ZDHHC11B: variants seen among roughly 807,000 people sequenced by gnomAD.
ZDHHC11B encodes zDHHC palmitoyltransferase 11B (putative).
Under a neutral mutation model 42.3 loss-of-function variants are expected in ZDHHC11B, and 17 were observed. That is an observed-to-expected ratio of 0.40 (90% confidence interval 0.27 to 0.60). The LOEUF is 0.60. Ranked by LOEUF, ZDHHC11B falls within the 20% of genes least tolerant of loss-of-function variation. The probability of loss-of-function intolerance (pLI) is 0.41; values close to 1 mark genes in which losing one functional copy is unlikely to be tolerated. For synonymous variants in ZDHHC11B, 123 were observed against 193.5 expected (o/e 0.64, Z 3.02); for missense variants, 262 against 463.2 (o/e 0.57, Z 3.99).
intron 4 of ZDHHC11B, among the ~76,000 whole-genome samples, chr5:760,240 C>G (rs1376515397): frequency 6.6e-6 from 1 of 151,882 alleles, no homozygotes; most frequent in Non-Finnish European, 1.5e-5. Context: ...GGTCCAAGCC[C>G]TAACCCGCAG....
intron 3 of ZDHHC11B, 101 bp downstream of exon 3, chr5:767,291 T>C: frequency 7.5e-7 from 1 of 1,339,590 alleles, no homozygotes; most frequent in Non-Finnish European, 1.0e-6. Flanking sequence ...GGCTGCGGGA[T>C]GGCCCTCTCC....
chr5:714,400 T>C (rs1424883635), intron 13 of ZDHHC11B, among the ~76,000 whole-genome samples: 1 of 144,724 alleles, frequency 6.9e-6, no homozygotes, highest in Non-Finnish European at 1.5e-5. Flanking sequence ...TAAGGTGTAA[T>C]ACTGAAGAAG....
intron 12 of ZDHHC11B, among the ~76,000 whole-genome samples, chr5:720,126 C>G (rs1469531937): frequency 6.6e-6 from 1 of 151,600 alleles, no homozygotes; most frequent in Non-Finnish European, 1.5e-5. Context: ...TGGCTGAAAA[C>G]TTTCCAAATC....
At position 741,312 on chromosome 5, in the gene ZDHHC11B, GAAAT is replaced by G. The variant is rs1744132591; in HGVS notation, c.935+278_935+281del. 2.0e-5 allele frequency among the ~76,000 whole-genome samples: 3 copies of G among 149,130 alleles called. No homozygotes were observed. The Admixed American group carries it at 2.0e-4, about 10-fold the overall frequency. ...ACCCACATGTTCATGGAGAGATGTA[GAAAT>G]AAATAAGCGGGTCGTACTCTTGTGT... On this transcript the variant is annotated intron_variant, in intron 10 of 13. Transcript: ENST00000508859.
chr5:730,219 A>C (rs1323630174), intron 12 of ZDHHC11B, among the ~76,000 whole-genome samples: 1 of 151,870 alleles, frequency 6.6e-6, no homozygotes, highest in East Asian at 1.9e-4. Context: ...GCGTAAGTTC[A>C]AATGTTAGTT....
At chr5:756,771 G>A (rs1443224644) in intron 4 of ZDHHC11B, among the ~76,000 whole-genome samples, 2 of 151,608 alleles carry the variant, frequency 1.3e-5, no homozygotes, top group African/African-American at 2.4e-5. Flanking sequence ...GGGGAGGAGC[G>A]AGGGAGCTGC....
intron 4 of ZDHHC11B, among the ~76,000 whole-genome samples, chr5:762,860 A>C (rs1161086732): frequency 1.3e-5 from 2 of 151,704 alleles, no homozygotes; most frequent in African/African-American, 4.8e-5. Flanking sequence ...GAAAATTAAT[A>C]ATTAAAAAGC....
chr5:737,473 C>T (rs1316891670), intron 10 of ZDHHC11B, among the ~76,000 whole-genome samples: 1 of 144,354 alleles, frequency 6.9e-6, no homozygotes, highest in Non-Finnish European at 1.5e-5. Flanking sequence ...CACCTTAATA[C>T]CCAAACCATG....
intron 12 of ZDHHC11B, among the ~76,000 whole-genome samples, chr5:730,121 C>T (rs1742904443): frequency 6.6e-6 from 1 of 151,690 alleles, no homozygotes; most frequent in African/African-American, 2.4e-5. Context: ...CTCAATGAAA[C>T]ACTATTAGAA....
intron 4 of ZDHHC11B, among the ~76,000 whole-genome samples, chr5:765,844 G>A (rs139814497): frequency 0.01 from 1,572 of 151,356 alleles, 1 homozygote; most frequent in Middle Eastern, 0.024. Context: ...AACACTCACC[G>A]CGAGGGTCTG....
chr5:775,723 G>A (rs1199091589), intron 1 of ZDHHC11B, among the ~76,000 whole-genome samples: 1 of 151,824 alleles, frequency 6.6e-6, no homozygotes, highest in Non-Finnish European at 1.5e-5. Flanking sequence ...AGTCCAACGT[G>A]CTGTGACTGC....
rs1266337471 is a variant in ZDHHC11B at position 766,334 on chromosome 5, G to GT, written c.222+363dup. ...CGCTGGAAGATGGGAGCAGAACCAG[G>GT]TCCCCCACCTGCTGGGAGATGGGAG... is the stretch of plus-strand genomic sequence containing the variant. On this transcript the variant is annotated intron_variant, in intron 4 of 13. Coordinates refer to ENST00000508859, the MANE Select transcript of ZDHHC11B (RefSeq NM_001351303.2). Among the ~76,000 whole-genome samples the GT allele has an allele frequency of 6.6e-5, 10 of 151,984 alleles. No homozygotes were observed. The East Asian group carries it at 1.7e-3, about 26-fold the overall frequency.
intron 4 of ZDHHC11B, among the ~76,000 whole-genome samples, chr5:764,121 C>T (rs1734971014): frequency 6.6e-6 from 1 of 151,982 alleles, no homozygotes; most frequent in Non-Finnish European, 1.5e-5. Flanking sequence ...ACCTCCCTGC[C>T]TGCACCACAG....
chr5:767,013 G>GCC (rs1735524627), intron 3 of ZDHHC11B, 94 bp from the exon 4 acceptor site: 3 of 1,424,562 alleles, frequency 2.1e-6, no homozygotes, highest in Admixed American at 3.7e-5. Context: ...TGGGAACATG[G>GCC]CCCCCAGGAC....
chr5:765,361 C>T (rs1245239513), intron 4 of ZDHHC11B, among the ~76,000 whole-genome samples: 2 of 152,030 alleles, frequency 1.3e-5, no homozygotes, highest in East Asian at 3.9e-4. Flanking sequence ...CACCAATCAG[C>T]ACTCTGTGTC....
intron 1 of ZDHHC11B, among the ~76,000 whole-genome samples, chr5:777,340 T>C (rs2150244946): frequency 6.6e-6 from 1 of 151,956 alleles, no homozygotes; most frequent in East Asian, 1.9e-4. Flanking sequence ...CTTACGCCTC[T>C]CAGAGACAGC....
At chr5:758,774 G>A (rs552291555) in intron 4 of ZDHHC11B, among the ~76,000 whole-genome samples, 11 of 151,980 alleles carry the variant, frequency 7.2e-5, no homozygotes, top group Admixed American at 1.3e-4. Context: ...ATCTTTCACC[G>A]CACACTAGGG....
intron 6 of ZDHHC11B, among the ~76,000 whole-genome samples, chr5:751,549 G>T (rs1326354101): frequency 1.6e-5 from 1 of 62,744 alleles, no homozygotes; most frequent in African/African-American, 5.4e-5. Flanking sequence ...AGGGGTGGGG[G>T]CATGCAGGGC....
chr5:763,388 GAAGA>G (rs1734873931), intron 4 of ZDHHC11B, among the ~76,000 whole-genome samples: 2 of 104,650 alleles, frequency 1.9e-5, no homozygotes, highest in African/African-American at 1.3e-4. Flanking sequence ...AAAAAAAAAA[GAAGA>G]AGAAGAAGAA....
Sources: allele counts gnomAD v4.1 joint callset (sites outside exome capture counted in the v4.1 genomes callset), GRCh38; gene constraint gnomAD v4.1.1; transcripts MANE v1.5; gene names NCBI Gene and HGNC (gene_info 2026-07-23, HGNC 2026-07-21).